The following ZNF26 variants were observed in gnomAD, a reference collection of about 807,000 sequenced individuals.
ZNF26 encodes the protein zinc finger protein 26.
Under a neutral mutation model 54.9 loss-of-function variants are expected in ZNF26, and 32 were observed. That is an observed-to-expected ratio of 0.58 (90% confidence interval 0.44 to 0.78). The LOEUF is 0.78. ZNF26 is among the 30% of genes least tolerant of loss of function. The pLI is 0.00. For missense variants in ZNF26, 524 were observed against 634.0 expected, an observed-to-expected ratio of 0.83 and a Z score of 1.86; for synonymous variants, 221 against 209.2, an observed-to-expected ratio of 1.06 and a Z score of -0.49.
intron 1 of ZNF26, chr12:132,995,079 T>C (rs1953047935): frequency 6.6e-6 from 1 of 152,216 alleles, no homozygotes; most frequent in Non-Finnish European, 1.5e-5. Context: ...ATTTAGTACA[T>C]ACTCTTAGTT....
At position 133,001,687 on chromosome 12, in the gene ZNF26, C is replaced by A. The variant is rs1411505698; in HGVS notation, c.34-5355C>A. 1.6e-6 allele frequency: 2 copies of A among 1,289,050 alleles called. No homozygotes were observed. The highest frequency in any genetic ancestry group is 3.0e-5 in the African/African-American group (2 of 65,872). The allele number at this position is 1,289,050 out of a possible 1,614,324, so 79.9% of individuals were successfully genotyped here. ...GAGCTCAAGTGTCAAGTTCGGGAATCTTCTGGGTGTTCCTTGGGCCCAGGG... is the reference window on the plus strand; with the variant it reads ...GAGCTCAAGTGTCAAGTTCGGGAATATTCTGGGTGTTCCTTGGGCCCAGGG... On this transcript the variant is annotated intron_variant, in intron 1 of 3. Coordinates refer to ENST00000328654, the MANE Select transcript of ZNF26 (RefSeq NM_019591.4). This position sits in a 1 kb window ranked among gnomAD's most constrained non-coding sequence, Gnocchi z 4.7.
chr12:133,005,667 A>G (rs1430630115), intron 1 of ZNF26: 1 of 152,224 alleles, frequency 6.6e-6, no homozygotes, highest in East Asian at 1.9e-4. Context: ...TGATAAAGTC[A>G]TCAGGGCAGG....
In ZNF26 at chr12:133,016,958, C is replaced by T. The variant is rs1953575105; in HGVS notation, c.*5477C>T. On this transcript the variant is annotated 3_prime_UTR_variant, in exon 4 of 4. Coordinates refer to ENST00000328654, the MANE Select transcript of ZNF26 (RefSeq NM_019591.4). ...AATAGCAACAGTAAAAATCAGAAGA[C>T]AGTAAAAGAATGTCTTCAATGTTCT... The T allele has an allele frequency of 6.6e-6, 1 of 151,908 alleles. No homozygotes were observed. The highest frequency in any genetic ancestry group is 1.5e-5 in the Non-Finnish European group (1 of 67,966). 9.4% of individuals were successfully genotyped at this position (151,908 alleles called of 1,614,324 possible).
intron 1 of ZNF26, among the ~76,000 whole-genome samples, chr12:132,993,630 A>T (rs1953012539): frequency 6.6e-6 from 1 of 151,310 alleles, no homozygotes; most frequent in African/African-American, 2.4e-5. Context: ...TGATTTTTGT[A>T]TTTTTAGTAG....
At chr12:132,989,345 C>G (rs1952897698) in intron 1 of ZNF26, among the ~76,000 whole-genome samples, 32 of 152,226 alleles carry the variant, frequency 2.1e-4, no homozygotes, top group African/African-American at 7.7e-4. Context: ...CTGGTGAATT[C>G]TTTTGGACTT....
chr12:132,991,079 G>C (rs913741295), intron 1 of ZNF26, among the ~76,000 whole-genome samples: 2 of 151,382 alleles, frequency 1.3e-5, no homozygotes, highest in African/African-American at 4.9e-5. Context: ...GGCTGGTCTC[G>C]AACTCCTGAC....
chr12:133,003,003 C>G (rs1953251612), intron 1 of ZNF26, among the ~76,000 whole-genome samples: 2 of 151,974 alleles, frequency 1.3e-5, no homozygotes, highest in African/African-American at 4.8e-5. Context: ...CCCTGGAGAC[C>G]CTAGGTGGGT....
At chr12:133,005,602 A>G (rs1953308222) in intron 1 of ZNF26, 1 of 152,168 alleles carries the variant, frequency 6.6e-6, no homozygotes, top group African/African-American at 2.4e-5. Context: ...TTTAATTCCT[A>G]AATTTATTTG....
rs1324732208 is a variant in ZNF26, at chr12:133,009,719, G to C, written c.257-417G>C. 6.4e-3 allele frequency among the ~76,000 whole-genome samples: 969 copies of C among 152,088 alleles called. 8 individuals are homozygous for C. The highest frequency in any genetic ancestry group is 0.022 in the African/African-American group (931 of 41,448). On this transcript the variant is annotated intron_variant, in intron 3 of 3. Transcript: ENST00000328654. The stretch of plus-strand genomic sequence containing the variant: ...GGCCTTTTTCTATTTCTTAAACCCT[G>C]TCAGTCAGGCTTCTTCCTCAGGAAC...
At chr12:133,003,257 CTT>C (rs796349481) in intron 1 of ZNF26, among the ~76,000 whole-genome samples, 2,371 of 135,260 alleles carry the variant, frequency 0.018, 63 homozygotes, top group African/African-American at 0.06. Context: ...GTTCCCTTTT[CTT>C]TTTTTTTTTT....
chr12:133,003,830 C>T (rs1019304654), intron 1 of ZNF26, among the ~76,000 whole-genome samples: 1 of 152,076 alleles, frequency 6.6e-6, no homozygotes, highest in Non-Finnish European at 1.5e-5. Context: ...GATGGTGAAC[C>T]ACGTGGAGGT....
At chr12:132,987,643 A>C in intron 1 of ZNF26, 1 of 948,658 alleles carries the variant, frequency 1.1e-6, no homozygotes, top group Non-Finnish European at 1.3e-6. Context: ...CAGGTGTTGA[A>C]TATCCAATGC....
chr12:133,010,063 C>T, intron 3 of ZNF26, 73 bp from the exon 4 acceptor site: 12 of 1,455,044 alleles, frequency 8.2e-6, no homozygotes, highest in Non-Finnish European at 1.1e-5. Context: ...ACATCACAGT[C>T]CTAATACTGT....
At chr12:133,000,844 C>T (rs1282555208) in intron 1 of ZNF26, among the ~76,000 whole-genome samples, 2 of 152,154 alleles carry the variant, frequency 1.3e-5, no homozygotes, top group Non-Finnish European at 2.9e-5. Context: ...CAGGCGTGAA[C>T]TACCATGCCT....
chr12:133,008,326 G>A (rs1342779046), intron 3 of ZNF26, among the ~76,000 whole-genome samples: 1 of 152,120 alleles, frequency 6.6e-6, no homozygotes, highest in East Asian at 1.9e-4. Context: ...CCATCTCTAA[G>A]GAGCAGTGCC....
At chr12:132,999,585 T>C (rs1953166802) in intron 1 of ZNF26, among the ~76,000 whole-genome samples, 3 of 152,136 alleles carry the variant, frequency 2.0e-5, no homozygotes, top group Admixed American at 2.0e-4. Flanking sequence ...ATGATTTTAG[T>C]GGTTTACACA....
chr12:132,986,874 G>A lies in ZNF26; in HGVS notation c.33+1G>A. 1 of 1,606,384 alleles carries A rather than the reference G, an allele frequency of 6.2e-7. No homozygotes were observed. The highest frequency in any genetic ancestry group is 1.1e-5 in the South Asian group (1 of 89,520). On this transcript the variant is annotated splice_donor_variant, in intron 1 of 3. Transcript: ENST00000328654. LOFTEE classifies it high-confidence loss of function. Reference sequence around the variant, plus strand: ...CAGTTTCCGGACAGCTTCGTGCTGGGTAAGTAGAGACTTTCCGTGTTTAAA... The same window carrying A: ...CAGTTTCCGGACAGCTTCGTGCTGGATAAGTAGAGACTTTCCGTGTTTAAA...
intron 1 of ZNF26, among the ~76,000 whole-genome samples, chr12:132,991,153 C>T (rs1049847718): frequency 6.6e-6 from 1 of 151,780 alleles, no homozygotes; most frequent in African/African-American, 2.4e-5. Context: ...GCCACTGTGC[C>T]CAGCCTCCAT....
intron 1 of ZNF26, among the ~76,000 whole-genome samples, chr12:132,998,157 CT>C (rs1345207217): frequency 2.2e-3 from 313 of 141,712 alleles, no homozygotes; most frequent in Middle Eastern, 3.6e-3. Flanking sequence ...TTTGCTGGAG[CT>C]TTTTTTTTTT....
Sources: allele counts gnomAD v4.1 joint callset (sites outside exome capture counted in the v4.1 genomes callset), GRCh38; gene constraint gnomAD v4.1.1; non-coding constraint Gnocchi (gnomAD v3.1); transcripts MANE v1.5; gene names NCBI Gene and HGNC (gene_info 2026-07-23, HGNC 2026-07-21).